The following DOCK3 variants were observed in gnomAD, a reference collection of about 807,000 sequenced individuals.
DOCK3 encodes the protein dedicator of cytokinesis 3.
Under a neutral mutation model 265.6 loss-of-function variants are expected in DOCK3, and 60 were observed. That is an observed-to-expected ratio of 0.23 (90% CI 0.18 to 0.28). The LOEUF is 0.28. Among genes scored for constraint, DOCK3 ranks in the 10% least tolerant of loss-of-function variants. The pLI is 1.00. For missense variants in DOCK3, 1,981 were observed against 2,594.3 expected, an observed-to-expected ratio of 0.76 and a Z score of 5.14; for synonymous variants, 881 against 938.0, an observed-to-expected ratio of 0.94 and a Z score of 1.11.
chr3:50,843,576 A>G (rs1044214194), intron 3 of DOCK3, among the ~76,000 whole-genome samples: 1 of 152,214 alleles, frequency 6.6e-6, no homozygotes, highest in African/African-American at 2.4e-5. Context: ...GATTACTCTT[A>G]GCAGTGTTTT....
Position 50,868,642 on chromosome 3 carries a change from G to A in DOCK3, c.163-21384G>A, listed in dbSNP as rs773611511. On this transcript the variant is annotated intron_variant, in intron 3 of 52. Coordinates refer to ENST00000266037, the MANE Select transcript of DOCK3 (RefSeq NM_004947.5). ...ACCTGCCTCAGCTTCCCAAAGTGCT[G>A]AGATTATAGGTGTGAGCCACTGCAC... is the stretch of plus-strand genomic sequence containing the variant. Among the ~76,000 whole-genome samples the A allele has an allele frequency of 3.3e-4, 50 of 152,220 alleles. No individual in the cohort carries two copies. In the East Asian group the frequency reaches 4.5e-3, roughly 14 times the overall value.
intron 14 of DOCK3, among the ~76,000 whole-genome samples, chr3:51,222,884 TC>T (rs1296632273): frequency 6.6e-6 from 1 of 152,212 alleles, no homozygotes; most frequent in African/African-American, 2.4e-5. Context: ...CTCTGTATAG[TC>T]AACACAGATC....
chr3:51,212,545 C>T (rs765768455), intron 13 of DOCK3, among the ~76,000 whole-genome samples: 5 of 148,486 alleles, frequency 3.4e-5, no homozygotes, highest in Non-Finnish European at 7.4e-5. Flanking sequence ...CAGTGGATTT[C>T]TGTTTACCCA....
chr3:51,082,253 C>T (rs2082268338), intron 7 of DOCK3, among the ~76,000 whole-genome samples: 1 of 151,980 alleles, frequency 6.6e-6, no homozygotes, highest in African/African-American at 2.4e-5. Flanking sequence ...TTTTGAGAGC[C>T]TAGCTCCCAC....
intron 3 of DOCK3, among the ~76,000 whole-genome samples, chr3:50,845,171 C>T (rs1490200705): frequency 6.6e-6 from 1 of 151,670 alleles, no homozygotes; most frequent in Non-Finnish European, 1.5e-5. Context: ...TGCAGTGAGC[C>T]GAGATCTCGT....
At chr3:50,760,330 A>C (rs984417761) in intron 1 of DOCK3, among the ~76,000 whole-genome samples, 3 of 152,198 alleles carry the variant, frequency 2.0e-5, no homozygotes, top group Admixed American at 1.3e-4. Flanking sequence ...GTTTGTTTCT[A>C]AGATCACAAC....
At chr3:51,291,557 G>A (rs2081775836) in intron 27 of DOCK3, among the ~76,000 whole-genome samples, 1 of 152,124 alleles carries the variant, frequency 6.6e-6, no homozygotes, top group Non-Finnish European at 1.5e-5. Context: ...TGAAGAGATT[G>A]GAAATCTGAA....
At chr3:50,858,454 A>AAT (rs1559732505) in intron 3 of DOCK3, among the ~76,000 whole-genome samples, 26 of 133,858 alleles carry the variant, frequency 1.9e-4, no homozygotes, top group Non-Finnish European at 3.0e-4. Flanking sequence ...ATAATAATAA[A>AAT]AATAAAATGT....
chr3:51,351,953 A>C (rs764492673), intron 40 of DOCK3, among the ~76,000 whole-genome samples: 15 of 152,188 alleles, frequency 9.9e-5, no homozygotes, highest in Non-Finnish European at 1.9e-4. Flanking sequence ...CAATGCGCCC[A>C]GCCAGGAATG....
intron 5 of DOCK3, among the ~76,000 whole-genome samples, chr3:50,956,077 TA>T (rs202185331): frequency 9.4e-4 from 140 of 148,766 alleles, no homozygotes; most frequent in South Asian, 2.8e-3. Flanking sequence ...TTTTTTTTTT[TA>T]AAATGCTGGT....
chr3:50,985,712 G>C (rs188313959), intron 5 of DOCK3, among the ~76,000 whole-genome samples: 1 of 152,010 alleles, frequency 6.6e-6, no homozygotes, highest in Admixed American at 6.5e-5. Flanking sequence ...ATTAAGACAG[G>C]TTATTGAACT....
At chr3:51,341,464 G>A in intron 38 of DOCK3, 79 bp downstream of exon 38, 1 of 1,567,914 alleles carries the variant, frequency 6.4e-7, no homozygotes, top group Non-Finnish European at 8.7e-7. Flanking sequence ...AGGGTTAACA[G>A]CAGCTGCAGG....
chr3:51,300,586 GT>G (rs1186105947), intron 27 of DOCK3, among the ~76,000 whole-genome samples: 1 of 152,108 alleles, frequency 6.6e-6, no homozygotes, highest in African/African-American at 2.4e-5. Flanking sequence ...TCAATACCTA[GT>G]TTATTGAGAG....
intron 27 of DOCK3, among the ~76,000 whole-genome samples, chr3:51,285,128 C>G (rs956869430): frequency 1.3e-5 from 2 of 152,094 alleles, no homozygotes; most frequent in South Asian, 4.1e-4. Context: ...GGAGGCCACC[C>G]AAAACAGAGA....
chr3:51,175,820 A>G (rs1201606439), intron 12 of DOCK3, among the ~76,000 whole-genome samples: 1 of 152,160 alleles, frequency 6.6e-6, no homozygotes, highest in East Asian at 1.9e-4. Context: ...ACTGCTTCCT[A>G]CTTATAAGTC....
intron 5 of DOCK3, among the ~76,000 whole-genome samples, chr3:50,996,158 G>A (rs900002197): frequency 6.6e-6 from 1 of 151,848 alleles, no homozygotes; most frequent in African/African-American, 2.4e-5. Context: ...ACAGGCATGA[G>A]CCACTGCATC....
chr3:51,159,193 TA>T, intron 10 of DOCK3, 50 bp from the exon 11 acceptor site: 1 of 1,566,682 alleles, frequency 6.4e-7, no homozygotes, highest in Non-Finnish European at 8.8e-7. Context: ...AATGAATTTT[TA>T]ATTATTTTCT....
rs538407026 is a variant in DOCK3, at chr3:51,237,209, T to C, written c.2002-281T>C. The stretch of plus-strand genomic sequence containing the variant: ...CATATTGTTTTGCCTTTCCCTGATC[T>C]GTATTGTACCACCCAGCATTATTGT... On this transcript the variant is annotated intron_variant, in intron 20 of 52. Transcript: ENST00000266037. Among the ~76,000 whole-genome samples, 6 of 152,300 alleles carry C rather than the reference T, an allele frequency of 3.9e-5. No individual in the cohort carries two copies. The East Asian group carries it at 1.2e-3, about 29-fold the overall frequency.
rs1349062736 is a variant in DOCK3, at chr3:50,934,147, C to A, written c.315+70C>A. 4.8e-6 allele frequency: 5 copies of A among 1,036,968 alleles called. No homozygotes were observed. In the African/African-American group the frequency reaches 8.0e-5, roughly 17 times the overall value. 64.2% of individuals were successfully genotyped at this position (1,036,968 alleles called of 1,614,324 possible). A position where few individuals can be genotyped will look rare whatever the true frequency, so the allele number is the denominator to read the frequency against. On this transcript the variant is annotated intron_variant, in intron 5 of 52. Coordinates refer to ENST00000266037, the MANE Select transcript of DOCK3 (RefSeq NM_004947.5). ...TACCAAGTAAAAATATTAAACTATG[C>A]TAAGTATGCATTTTAGATTTCTGAA...
Sources: gnomAD v4.1 joint callset for allele counts (sites outside exome capture counted in the v4.1 genomes callset) on GRCh38, gnomAD v4.1.1 for gene constraint, MANE v1.5 for transcripts, NCBI Gene and HGNC (gene_info 2026-07-23, HGNC 2026-07-21) for gene names.